The following POLN variants were observed in gnomAD, a reference collection of about 807,000 sequenced individuals.
POLN encodes the protein DNA polymerase nu.
Under a neutral mutation model 113.5 loss-of-function variants are expected in POLN, and 108 were observed. That is an observed-to-expected ratio of 0.95 (90% CI 0.81 to 1.12). POLN has a LOEUF of 1.12. Among genes scored for constraint, POLN ranks in the 50% most tolerant of loss-of-function variants. POLN has a pLI of 0.00. For missense variants in POLN, 1,097 were observed against 1,077.1 expected (o/e 1.02, Z -0.26); for synonymous variants, 386 against 391.5 (o/e 0.99, Z 0.17).
At chr4:2,182,419 G>C (rs1733166232) in intron 7 of POLN, among the ~76,000 whole-genome samples, 1 of 152,162 alleles carries the variant, frequency 6.6e-6, no homozygotes, top group East Asian at 1.9e-4. Context: ...GCAGAGACTG[G>C]AGGGATGTGT....
chr4:2,195,960 G>C (rs1026913325), intron 6 of POLN, among the ~76,000 whole-genome samples: 1 of 152,108 alleles, frequency 6.6e-6, no homozygotes, highest in African/African-American at 2.4e-5. Context: ...AAGTTTGGGG[G>C]AGAAGTTTAT....
intron 6 of POLN, among the ~76,000 whole-genome samples, chr4:2,198,313 AC>A (rs1435320588): frequency 6.6e-6 from 1 of 152,158 alleles, no homozygotes; most frequent in Non-Finnish European, 1.5e-5. Flanking sequence ...GGCTGCTCCC[AC>A]AGAAGAACGG....
At chr4:2,125,128 T>C (rs1448473107) in intron 19 of POLN, among the ~76,000 whole-genome samples, 1 of 151,840 alleles carries the variant, frequency 6.6e-6, no homozygotes, top group Non-Finnish European at 1.5e-5. Flanking sequence ...AGAGTAAAAA[T>C]GGAAAATAAA....
chr4:2,095,126 G>T (rs1440834307), intron 20 of POLN, among the ~76,000 whole-genome samples: 1 of 151,698 alleles, frequency 6.6e-6, no homozygotes, highest in Non-Finnish European at 1.5e-5. Flanking sequence ...GTCCAAGGGA[G>T]AGTAGAAGAA....
chr4:2,192,321 A>G (rs563355276), intron 7 of POLN, among the ~76,000 whole-genome samples: 20 of 152,002 alleles, frequency 1.3e-4, no homozygotes, highest in South Asian at 1.0e-3. Context: ...TATTTTTGCT[A>G]TATTTGTTTT....
At chr4:2,211,297 AT>A (rs1181890404) in intron 4 of POLN, among the ~76,000 whole-genome samples, 1 of 145,548 alleles carries the variant, frequency 6.9e-6, no homozygotes, top group Non-Finnish European at 1.5e-5. Context: ...AATAATAATA[AT>A]AAGAGGATTG....
intron 2 of POLN, chr4:2,230,043 C>G (rs1484337624): frequency 6.6e-6 from 1 of 152,252 alleles, no homozygotes; most frequent in Non-Finnish European, 1.5e-5. Context: ...ACCTGTAATG[C>G]CAGCACTATG....
chr4:2,123,720 A>C (rs1731507956), intron 19 of POLN, among the ~76,000 whole-genome samples: 1 of 150,994 alleles, frequency 6.6e-6, no homozygotes, highest in Non-Finnish European at 1.5e-5. Context: ...CTGGAGAATC[A>C]CTCAAACCTG....
chr4:2,164,781 C>T (rs1355288270), intron 13 of POLN, among the ~76,000 whole-genome samples: 1 of 113,716 alleles, frequency 8.8e-6, no homozygotes. Context: ...CCAACCTGGC[C>T]GATGGAGCAA....
At chr4:2,081,104 A>G (rs1730404191) in intron 22 of POLN, 68 bp from the exon 23 acceptor site, 1 of 1,610,338 alleles carries the variant, frequency 6.2e-7, no homozygotes, top group Non-Finnish European at 8.5e-7. Flanking sequence ...AGCATTCTGC[A>G]CCATCGCCAC....
intron 13 of POLN, among the ~76,000 whole-genome samples, chr4:2,165,677 G>A (rs1189195819): frequency 6.6e-6 from 1 of 152,150 alleles, no homozygotes; most frequent in Non-Finnish European, 1.5e-5. Context: ...TGATAGAGGG[G>A]GAGCCTGTAC....
chr4:2,129,314 T>G, intron 17 of POLN, 58 bp from the exon 18 acceptor site: 1 of 1,016,688 alleles, frequency 9.8e-7, no homozygotes. Context: ...TGCATAGCTA[T>G]TCCTCAATAC....
intron 13 of POLN, among the ~76,000 whole-genome samples, chr4:2,161,307 CT>C (rs1732582287): frequency 1.3e-5 from 2 of 152,226 alleles, no homozygotes; most frequent in South Asian, 4.1e-4. Context: ...GCGCGGGGCG[CT>C]TGCAGGCCAG....
chr4:2,072,073 A>C lies in POLN; in HGVS notation c.*41T>G. The C allele has an allele frequency of 6.2e-7, 1 of 1,604,486 alleles. No homozygotes were observed. The highest frequency in any genetic ancestry group is 8.5e-7 in the Non-Finnish European group (1 of 1,172,350). On this transcript the variant is annotated 3_prime_UTR_variant, in exon 26 of 26. Coordinates refer to ENST00000511885, the MANE Select transcript of POLN (RefSeq NM_181808.4). ...GACCTTGGGGAAGGCCACACAATGG[A>C]CTGCTGGAAACCAGTTCTCTCCTCC...
At chr4:2,116,077 G>A (rs955593654) in intron 19 of POLN, among the ~76,000 whole-genome samples, 5 of 151,990 alleles carry the variant, frequency 3.3e-5, no homozygotes, top group African/African-American at 1.2e-4. Flanking sequence ...TGGTTTTTCT[G>A]CCTTATTCCA....
intron 4 of POLN, 38 bp from the exon 5 acceptor site, chr4:2,208,525 C>T: frequency 7.0e-7 from 1 of 1,423,200 alleles, no homozygotes. Context: ...AGAATATGGA[C>T]TCATAAGACA....
intron 16 of POLN, chr4:2,140,769 C>T (rs905435875): frequency 1.3e-5 from 2 of 152,096 alleles, no homozygotes; most frequent in Non-Finnish European, 1.5e-5. Context: ...AAAATTGCCA[C>T]TTGTGGAGGA....
intron 24 of POLN, among the ~76,000 whole-genome samples, chr4:2,073,857 C>T (rs905942492): frequency 9.4e-4 from 143 of 152,338 alleles, no homozygotes; most frequent in African/African-American, 3.2e-3. Flanking sequence ...GCAGGGCCAG[C>T]GGCCACCCAA....
At chr4:2,115,624 T>G (rs1383751682) in intron 19 of POLN, among the ~76,000 whole-genome samples, 1 of 152,196 alleles carries the variant, frequency 6.6e-6, no homozygotes, top group Non-Finnish European at 1.5e-5. Flanking sequence ...TTAGGTCTCA[T>G]AACTTAGAAA....
Sources: gnomAD v4.1 joint callset for allele counts (sites outside exome capture counted in the v4.1 genomes callset) on GRCh38, gnomAD v4.1.1 for gene constraint, MANE v1.5 for transcripts, NCBI Gene and HGNC (gene_info 2026-07-23, HGNC 2026-07-21) for gene names.